The following FASTKD1 variants were observed in gnomAD, a reference collection of about 807,000 sequenced individuals.
The protein encoded by FASTKD1 is FAST kinase domains 1, also known as FAST kinase domain-containing protein 1, mitochondrial.
In FASTKD1, 94 loss-of-function variants were observed where a neutral mutation model predicts 90.9. The observed-to-expected ratio is 1.03, with a 90% CI of 0.88 to 1.23. The LOEUF is 1.23. Among genes scored for constraint, FASTKD1 ranks in the 50% most tolerant of loss-of-function variants. The pLI, the probability that FASTKD1 is intolerant of heterozygous loss-of-function variation, is 0.00. For missense variants in FASTKD1, 945 were observed against 993.5 expected, an observed-to-expected ratio of 0.95 and a Z score of 0.66; for synonymous variants, 319 against 345.8, an observed-to-expected ratio of 0.92 and a Z score of 0.86.
In FASTKD1 at chr2:169,529,802, A is replaced by G. The variant is rs1245749225; in HGVS notation, c.*23T>C. 2 of 1,512,130 alleles carry G rather than the reference A, an allele frequency of 1.3e-6. No individual in the cohort carries two copies. The highest frequency in any genetic ancestry group is 1.8e-6 in the Non-Finnish European group (2 of 1,095,606). The allele number at this position is 1,512,130 out of a possible 1,614,324, so 93.7% of individuals were successfully genotyped here. ...AAAATAGGTCCAAATGTAACACACG[A>G]TAACATTCATTTTAAATAAAAACTA... On this transcript the variant is annotated 3_prime_UTR_variant, in exon 15 of 15. Coordinates refer to ENST00000453153, the MANE Select transcript of FASTKD1 (RefSeq NM_024622.6).
At chr2:169,550,091 G>A (rs1685422067) in intron 7 of FASTKD1, among the ~76,000 whole-genome samples, 1 of 151,894 alleles carries the variant, frequency 6.6e-6, no homozygotes, top group African/African-American at 2.4e-5. Flanking sequence ...CCAACTCTTG[G>A]GCTCAAGTGA....
chr2:169,537,967 TACTTTAGAATCAA>T, intron 11 of FASTKD1, 33 bp downstream of exon 11: 1 of 1,532,892 alleles, frequency 6.5e-7, no homozygotes, highest in Non-Finnish European at 8.8e-7. Context: ...CCTAATAATT[TACTTTAGAATCAA>T]ACTTTGCTAT....
intron 9 of FASTKD1, among the ~76,000 whole-genome samples, chr2:169,541,871 C>G (rs1331556938): frequency 6.6e-6 from 1 of 152,160 alleles, no homozygotes; most frequent in East Asian, 1.9e-4. Flanking sequence ...CTCATCTACT[C>G]CTGCCACACT....
intron 4 of FASTKD1, among the ~76,000 whole-genome samples, chr2:169,562,428 T>C (rs1049207439): frequency 2.0e-5 from 3 of 152,028 alleles, no homozygotes; most frequent in African/African-American, 7.2e-5. Context: ...GATGGGATTT[T>C]TGCCATGTTG....
At chr2:169,542,741 G>A (rs1191542841) in intron 9 of FASTKD1, among the ~76,000 whole-genome samples, 2 of 152,132 alleles carry the variant, frequency 1.3e-5, no homozygotes, top group African/African-American at 4.8e-5. Flanking sequence ...TTTAAGAGAT[G>A]CAAAATAATC....
intron 3 of FASTKD1, among the ~76,000 whole-genome samples, chr2:169,564,266 A>C (rs1295898473): frequency 1.3e-5 from 2 of 152,182 alleles, no homozygotes; most frequent in Non-Finnish European, 2.9e-5. Context: ...TAAGACAATC[A>C]ACAAAATTTG....
At chr2:169,539,972 A>G (rs1684896440) in intron 10 of FASTKD1, 79 bp downstream of exon 10, 1 of 803,302 alleles carries the variant, frequency 1.2e-6, no homozygotes, top group African/African-American at 1.8e-5. Flanking sequence ...TAACATTAAA[A>G]TTCTTCAGTA....
At chr2:169,547,228 G>A (rs570592438) in intron 7 of FASTKD1, among the ~76,000 whole-genome samples, 5 of 152,192 alleles carry the variant, frequency 3.3e-5, no homozygotes, top group Non-Finnish European at 4.4e-5. Context: ...TGAGGTATGC[G>A]GGAAGGGGTG....
At chr2:169,541,899 A>G (rs917168671) in intron 9 of FASTKD1, among the ~76,000 whole-genome samples, 2 of 152,110 alleles carry the variant, frequency 1.3e-5, no homozygotes, top group African/African-American at 4.8e-5. Flanking sequence ...CTGTTCCTGG[A>G]AAAAAACCAA....
At chr2:169,567,532 A>G (rs370577118) in intron 3 of FASTKD1, among the ~76,000 whole-genome samples, 1 of 152,258 alleles carries the variant, frequency 6.6e-6, no homozygotes, top group Non-Finnish European at 1.5e-5. Flanking sequence ...AGATTAATAC[A>G]GAATTTCTAA....
chr2:169,565,356 G>A (rs1683924109), intron 3 of FASTKD1, among the ~76,000 whole-genome samples: 1 of 134,370 alleles, frequency 7.4e-6, no homozygotes, highest in Non-Finnish European at 1.5e-5. Flanking sequence ...TCCGCCTCCC[G>A]AGTTCACGCC....
At chr2:169,549,223 C>T (rs1372704099) in intron 7 of FASTKD1, among the ~76,000 whole-genome samples, 2 of 152,068 alleles carry the variant, frequency 1.3e-5, no homozygotes, top group South Asian at 2.1e-4. Flanking sequence ...GGAAAAACCC[C>T]GTCTCTACTA....
Position 169,531,510 on chromosome 2 carries a change from T to G in FASTKD1, c.2189-20A>C. ...CAAAATCTTAAGGAAGCATAGAAAC[T>G]GGTAGTATGAATTAGGTAAAGTCTT... On this transcript the variant is annotated intron_variant, in intron 12 of 14. Transcript: ENST00000453153. 6.3e-7 allele frequency: 1 copy of G among 1,581,332 alleles called. No individual in the cohort carries two copies. The highest frequency in any genetic ancestry group is 8.6e-7 in the Non-Finnish European group (1 of 1,165,924).
chr2:169,528,694 C>T lies in FASTKD1; in HGVS notation c.*1131G>A, dbSNP rs1684359996. On this transcript the variant is annotated 3_prime_UTR_variant, in exon 15 of 15. Transcript: ENST00000453153. ...TGAACCAGTCAGGCTTTCACATGCACCACTTCAAAACGACTATTTTCAAAG... is the reference window on the plus strand; with the variant it reads ...TGAACCAGTCAGGCTTTCACATGCATCACTTCAAAACGACTATTTTCAAAG... Among the ~76,000 whole-genome samples the T allele has an allele frequency of 6.6e-6, 1 of 152,122 alleles. No homozygotes were observed. Among genetic ancestry groups the T allele is most frequent in the African/African-American group, 2.4e-5 (1 of 41,420 alleles).
At position 169,572,107 on chromosome 2, in the gene FASTKD1, C is replaced by T; in HGVS notation, c.-78G>A. 6.7e-7 allele frequency: 1 copy of T among 1,491,824 alleles called. No homozygotes were observed. The highest frequency in any genetic ancestry group is 8.9e-7 in the Non-Finnish European group (1 of 1,123,350). The allele number at this position is 1,491,824 out of a possible 1,614,324, so 92.4% of individuals were successfully genotyped here. On this transcript the variant is annotated 5_prime_UTR_variant, in exon 2 of 15. Transcript: ENST00000453153. ...GTGCAATAAGCAGGGATACAAATAA[C>T]AGTTTTTCCTTCATGTATTTTGCTT...
chr2:169,568,785 G>A (rs1684107873), intron 3 of FASTKD1, among the ~76,000 whole-genome samples: 1 of 151,784 alleles, frequency 6.6e-6, no homozygotes, highest in African/African-American at 2.4e-5. Flanking sequence ...TGGATCACGA[G>A]GTCAGGAGTT....
At chr2:169,567,655 T>TA (rs924056433) in intron 3 of FASTKD1, among the ~76,000 whole-genome samples, 4 of 152,192 alleles carry the variant, frequency 2.6e-5, no homozygotes, top group Admixed American at 6.6e-5. Flanking sequence ...GGCAATATGT[T>TA]AAAAATATTT....
At chr2:169,538,450 G>A (rs758797375) in intron 10 of FASTKD1, among the ~76,000 whole-genome samples, 6 of 152,002 alleles carry the variant, frequency 3.9e-5, no homozygotes, top group Non-Finnish European at 8.8e-5. Context: ...GCTGAGGTGG[G>A]CGGATCACCT....
chr2:169,568,248 C>T (rs973728198), intron 3 of FASTKD1, among the ~76,000 whole-genome samples: 10 of 152,114 alleles, frequency 6.6e-5, no homozygotes, highest in African/African-American at 2.4e-4. Flanking sequence ...AAATGGCCTT[C>T]CTCTCTAATA....
Sources: allele counts gnomAD v4.1 joint callset (sites outside exome capture counted in the v4.1 genomes callset), GRCh38; gene constraint gnomAD v4.1.1; transcripts MANE v1.5; gene names NCBI Gene and HGNC (gene_info 2026-07-23, HGNC 2026-07-21).